Variants in BLCAP observed in about 807,000 individuals in gnomAD.
BLCAP encodes the protein BLCAP apoptosis inducing factor.
A neutral mutation model predicts 5.7 loss-of-function variants in BLCAP; 1 was observed. That is an observed-to-expected ratio of 0.18 (90% confidence interval 0.06 to 0.83). BLCAP has a LOEUF of 0.83. Among genes scored for constraint, BLCAP ranks in the 40% least tolerant of loss-of-function variants. The pLI is 0.71. For synonymous variants in BLCAP, 48 were observed against 49.4 expected (o/e 0.97, Z 0.11); for missense variants, 66 against 107.6 (o/e 0.61, Z 1.71).
intron 1 of BLCAP, among the ~76,000 whole-genome samples, chr20:37,525,987 G>A (rs117432313): frequency 7.9e-5 from 12 of 152,274 alleles, no homozygotes; most frequent in East Asian, 1.9e-4. Context: ...TTAGCCTAAC[G>A]AACTGAAGTT....
chr20:37,518,818 G>A lies in BLCAP; in HGVS notation c.*93C>T, dbSNP rs976360147. ...GCCGTCAGGAATGTGACACCCGCGA[G>A]GCTGCGGGATTTGAAACTCCAATGC... On this transcript the variant is annotated 3_prime_UTR_variant, in exon 2 of 2. Transcript: ENST00000373537. 67 of 1,511,972 alleles carry A rather than the reference G, an allele frequency of 4.4e-5. No homozygotes were observed. Among genetic ancestry groups the A allele is most frequent in the Non-Finnish European group, 5.8e-5 (65 of 1,125,630 alleles). The allele number at this position is 1,511,972 out of a possible 1,614,324, so 93.7% of individuals were successfully genotyped here. A position where few individuals can be genotyped will look rare whatever the true frequency, so the allele number is the denominator to read the frequency against.
At chr20:37,522,740 G>C in intron 1 of BLCAP, 2 of 1,607,548 alleles carry the variant, frequency 1.2e-6, no homozygotes, top group Non-Finnish European at 1.7e-6. Flanking sequence ...GGGGAGCGCA[G>C]GCAGCGAGCC....
At position 37,519,302 on chromosome 20, in the gene BLCAP, C is replaced by A; in HGVS notation, c.-128G>T. On this transcript the variant is annotated 5_prime_UTR_variant, in exon 2 of 2. Coordinates refer to ENST00000373537, the MANE Select transcript of BLCAP (RefSeq NM_006698.4). ...AACCCTCACTCTCCAGGAGCTGAGC[C>A]GCTGTGCTCTCTGGCTGTCAGCCCG... The A allele has an allele frequency of 8.6e-7, 1 of 1,157,484 alleles. No homozygotes were observed. Among genetic ancestry groups the A allele is most frequent in the South Asian group, 1.6e-5 (1 of 61,238 alleles). The allele number at this position is 1,157,484 out of a possible 1,614,324, so 71.7% of individuals were successfully genotyped here.
At chr20:37,519,427 A>AAAAAAAAAAAAAAG (rs1568682512) in intron 1 of BLCAP, 77 bp from the exon 2 acceptor site, 3 of 130,412 alleles carry the variant, frequency 2.3e-5, no homozygotes, top group African/African-American at 1.6e-4. Flanking sequence ...AAAAAAAGAA[A>AAAAAAAAAAAAAAG]AAAAAAAAAA....
rs775274090 is a variant in BLCAP at position 37,519,117 on chromosome 20, C to T, written c.58G>A (p.Ala20Thr). 5.0e-5 allele frequency: 81 copies of T among 1,611,286 alleles called. No individual in the cohort carries two copies. Among genetic ancestry groups the T allele is most frequent in the Non-Finnish European group, 6.4e-5 (76 of 1,178,964 alleles). The change falls in exon 2 of 2, where the codon GCC (alanine) becomes ACC (threonine). Residue 20 changes from alanine (A) to threonine (T), a missense_variant. Ala to Thr is a moderately conservative substitution (Grantham distance 58, BLOSUM62 0). Coordinates refer to ENST00000373537, the MANE Select transcript of BLCAP (RefSeq NM_006698.4). ...VLLIPKPLNP[A>T]LWFSHSMFMG... Reference sequence around the variant, plus strand: ...AACATGGAGTGGCTGAACCACAGGGCGGGGTTGAGGGGCTTGGGGATGAGG... The same window carrying T: ...AACATGGAGTGGCTGAACCACAGGGTGGGGTTGAGGGGCTTGGGGATGAGG...
rs753074893 is a variant in BLCAP, at chr20:37,521,348, C to T, written c.-176-1998G>A. 2.5e-6 allele frequency: 4 copies of T among 1,613,946 alleles called. No individual in the cohort carries two copies. Among genetic ancestry groups the T allele is most frequent in the Non-Finnish European group, 3.4e-6 (4 of 1,179,956 alleles). On this transcript the variant is annotated intron_variant, in intron 1 of 1. Coordinates refer to ENST00000373537, the MANE Select transcript of BLCAP (RefSeq NM_006698.4). This position sits in a 1 kb window ranked among gnomAD's most constrained non-coding sequence, Gnocchi z 4.5. ...CTTGGAACCATGGCGGCAGTGGCGGCGGCCTCGGCTGAACTGCTCATCATC... is the reference window on the plus strand; with the variant it reads ...CTTGGAACCATGGCGGCAGTGGCGGTGGCCTCGGCTGAACTGCTCATCATC...
intron 1 of BLCAP, chr20:37,520,145 T>G (rs1391780063): frequency 6.6e-6 from 1 of 152,266 alleles, no homozygotes; most frequent in Non-Finnish European, 1.5e-5. Context: ...TCTATCCACA[T>G]AGGGGCAAAT....
chr20:37,519,605 G>A (rs962921559), intron 1 of BLCAP, among the ~76,000 whole-genome samples: 14 of 152,148 alleles, frequency 9.2e-5, no homozygotes, highest in African/African-American at 3.1e-4. Context: ...CTGGGGGATC[G>A]GGGAGAGGGC....
Position 37,521,327 on chromosome 20 carries a change from G to C in BLCAP, c.-176-1977C>G. 1 of 1,614,012 alleles carries C rather than the reference G, an allele frequency of 6.2e-7. No homozygotes were observed. Among genetic ancestry groups the C allele is most frequent in the Non-Finnish European group, 8.5e-7 (1 of 1,179,928 alleles). ...CTCGACCACCCACCTACCATTCTTG[G>C]AACCATGGCGGCAGTGGCGGCGGCC... On this transcript the variant is annotated intron_variant, in intron 1 of 1. Coordinates refer to ENST00000373537, the MANE Select transcript of BLCAP (RefSeq NM_006698.4). The surrounding 1 kb of genome is among the most constrained non-coding windows in gnomAD (Gnocchi z 4.5).
At chr20:37,522,628 G>A in intron 1 of BLCAP, 1 of 1,565,330 alleles carries the variant, frequency 6.4e-7, no homozygotes, top group South Asian at 1.2e-5. Context: ...TGCTGTGGGT[G>A]CTCTCCACTA....
chr20:37,524,168 A>T (rs1336207683), intron 1 of BLCAP, among the ~76,000 whole-genome samples: 1 of 152,164 alleles, frequency 6.6e-6, no homozygotes, highest in African/African-American at 2.4e-5. Context: ...TTAGACAATG[A>T]GTATGGGATA....
Position 37,517,959 on chromosome 20 carries a change from G to T in BLCAP, c.*952C>A, listed in dbSNP as rs952801650. 1 of 151,734 alleles carries T rather than the reference G, an allele frequency of 6.6e-6. No homozygotes were observed. The highest frequency in any genetic ancestry group is 1.5e-5 in the Non-Finnish European group (1 of 67,638). 9.4% of individuals were successfully genotyped at this position (151,734 alleles called of 1,614,324 possible). On this transcript the variant is annotated 3_prime_UTR_variant, in exon 2 of 2. Coordinates refer to ENST00000373537, the MANE Select transcript of BLCAP (RefSeq NM_006698.4). ...ACGTTCGATAAAGCTTCTTTAAAAG[G>T]AATATACACATGTATTTGTACACAC...
At chr20:37,522,753 C>T in intron 1 of BLCAP, 1 of 1,600,940 alleles carries the variant, frequency 6.2e-7, no homozygotes, top group Non-Finnish European at 8.5e-7. Context: ...AGCGAGCCCC[C>T]AACTGAGGCC....
At chr20:37,526,560 TCGCACAGGGA>T (rs1281208333) in intron 1 of BLCAP, 1 of 152,080 alleles carries the variant, frequency 6.6e-6, no homozygotes, top group Non-Finnish European at 1.5e-5. Flanking sequence ...TCTTGGTATA[TCGCACAGGGA>T]CAGGCTTGAA....
chr20:37,526,628 C>T (rs1178119100), intron 1 of BLCAP: 1 of 152,196 alleles, frequency 6.6e-6, no homozygotes. Context: ...CAAAAAAAGA[C>T]AGTCTAACCC....
At chr20:37,522,244 A>C in intron 1 of BLCAP, 1 of 594,510 alleles carries the variant, frequency 1.7e-6, no homozygotes, top group Non-Finnish European at 2.8e-6. Flanking sequence ...AAAAAGAGAT[A>C]AATCAGAAGA....
Position 37,521,679 on chromosome 20 carries a change from G to T in BLCAP, c.-176-2329C>A. 2 of 439,598 alleles carry T rather than the reference G, an allele frequency of 4.5e-6. No individual in the cohort carries two copies. Among genetic ancestry groups the T allele is most frequent in the Non-Finnish European group, 8.3e-6 (2 of 242,068 alleles). 27.2% of individuals were successfully genotyped at this position (439,598 alleles called of 1,614,324 possible). ...GCGGACGATCACCCAGGCATTTAGCGACCTACGCGGTAAGAAAAACCCGCT... is the reference window on the plus strand; with the variant it reads ...GCGGACGATCACCCAGGCATTTAGCTACCTACGCGGTAAGAAAAACCCGCT... On this transcript the variant is annotated intron_variant, in intron 1 of 1. Coordinates refer to ENST00000373537, the MANE Select transcript of BLCAP (RefSeq NM_006698.4). This position sits in a 1 kb window ranked among gnomAD's most constrained non-coding sequence, Gnocchi z 4.5.
chr20:37,525,823 C>G (rs1358294298), intron 1 of BLCAP, among the ~76,000 whole-genome samples: 1 of 152,210 alleles, frequency 6.6e-6, no homozygotes, highest in African/African-American at 2.4e-5. Flanking sequence ...TGCTGAACGT[C>G]CCCTTTGCCT....
In BLCAP at chr20:37,524,402, C is replaced by T. The variant is rs554334295; in HGVS notation, c.-177+3391G>A. 6 of 152,408 alleles carry T rather than the reference C, an allele frequency of 3.9e-5. 1 individual carries two copies. Among genetic ancestry groups the T allele is most frequent in the African/African-American group, 1.4e-4 (6 of 41,572 alleles). The allele number at this position is 152,408 out of a possible 1,614,324, so 9.4% of individuals were successfully genotyped here. A position where few individuals can be genotyped will look rare whatever the true frequency, so the allele number is the denominator to read the frequency against. On this transcript the variant is annotated intron_variant, in intron 1 of 1. Coordinates refer to ENST00000373537, the MANE Select transcript of BLCAP (RefSeq NM_006698.4). The stretch of plus-strand genomic sequence containing the variant: ...CAGGTCCGTGGCCCTGGGCTCTCCC[C>T]TGCCATCACGTCAGGGTGGGCAGTG...
Sources: allele counts gnomAD v4.1 joint callset (sites outside exome capture counted in the v4.1 genomes callset), GRCh38; gene constraint gnomAD v4.1.1; non-coding constraint Gnocchi (gnomAD v3.1); transcripts MANE v1.5; gene names NCBI Gene and HGNC (gene_info 2026-07-23, HGNC 2026-07-21).